IGSF5: variants seen among roughly 807,000 people sequenced by gnomAD.
IGSF5 encodes immunoglobulin superfamily 5 like.
Under a neutral mutation model 39.4 loss-of-function variants are expected in IGSF5, and 41 were observed. The observed-to-expected ratio is 1.04, with a 90% CI of 0.81 to 1.35. IGSF5 has a LOEUF of 1.35. IGSF5 is among the 40% of genes most tolerant of loss of function. The pLI is 0.00. For synonymous variants in IGSF5, 183 were observed against 175.3 expected (o/e 1.04, Z -0.34); for missense variants, 487 against 494.6 (o/e 0.98, Z 0.15).
intron 4 of IGSF5, among the ~76,000 whole-genome samples, chr21:39,774,928 C>T (rs1365460689): frequency 6.6e-6 from 1 of 152,200 alleles, no homozygotes; most frequent in African/African-American, 2.4e-5. Context: ...TCAGTTTTCT[C>T]ACCTGTAAAG....
In IGSF5 at chr21:39,801,768, A is replaced by C. The variant is rs1456836628; in HGVS notation, c.*411A>C. ...ATATTTAATATGTAGGGGTATTATT[A>C]CATATTATCAGTGAAATACGAGTAT... On this transcript the variant is annotated 3_prime_UTR_variant, in exon 9 of 9. Transcript: ENST00000380588. 1 of 154,784 alleles carries C rather than the reference A, an allele frequency of 6.5e-6. No individual in the cohort carries two copies. Among genetic ancestry groups the C allele is most frequent in the Non-Finnish European group, 1.4e-5 (1 of 69,522 alleles). The allele number at this position is 154,784 out of a possible 1,614,324, so 9.6% of individuals were successfully genotyped here. A position where few individuals can be genotyped will look rare whatever the true frequency, so the allele number is the denominator to read the frequency against.
the IGSF5 span, among the ~76,000 whole-genome samples, chr21:39,739,425 T>C: frequency 3.3e-5 from 5 of 152,274 alleles, no homozygotes; most frequent in Middle Eastern, 0.01. Flanking sequence ...GATTGGTTAT[T>C]TCTTTATCTC....
intron 5 of IGSF5, among the ~76,000 whole-genome samples, chr21:39,780,719 G>GGGATCAAT (rs1688013035): frequency 6.6e-6 from 1 of 152,164 alleles, no homozygotes; most frequent in South Asian, 2.1e-4. Context: ...GCTTGCGGTT[G>GGGATCAAT]GGATCAATGG....
At chr21:39,740,246 C>T (rs893783502), upstream of IGSF5, among the ~76,000 whole-genome samples, 3 of 152,198 alleles carry the variant, frequency 2.0e-5, no homozygotes, top group Non-Finnish European at 4.4e-5. Flanking sequence ...CCTTGCAGCT[C>T]TTTTGGCTTC....
At chr21:39,744,554 T>G (rs2146267155), upstream of IGSF5, among the ~76,000 whole-genome samples, 1 of 152,326 alleles carries the variant, frequency 6.6e-6, no homozygotes, top group East Asian at 1.9e-4. Context: ...GGAGGAACCA[T>G]CTATCATCCT....
At position 39,752,652 on chromosome 21, in the gene IGSF5, A is replaced by G. The variant is rs187260413; in HGVS notation, c.100+6354A>G. Among the ~76,000 whole-genome samples, 178 of 152,308 alleles carry G rather than the reference A, an allele frequency of 1.2e-3. 1 individual carries two copies. Among genetic ancestry groups the G allele is most frequent in the African/African-American group, 3.9e-3 (164 of 41,574 alleles). On this transcript the variant is annotated intron_variant, in intron 2 of 8. Transcript: ENST00000380588. The stretch of plus-strand genomic sequence containing the variant: ...CAGTGTAAAAGTATTCCCTTTCACC[A>G]CATCCACACCAACATTTATGGCTTT...
chr21:39,770,486 G>A (rs1297996877), intron 3 of IGSF5, among the ~76,000 whole-genome samples: 2 of 152,122 alleles, frequency 1.3e-5, no homozygotes, highest in Non-Finnish European at 2.9e-5. Flanking sequence ...CTGACCCTGG[G>A]CTGTGTCCTC....
chr21:39,761,535 G>C (rs986993956), intron 2 of IGSF5, among the ~76,000 whole-genome samples: 1 of 152,190 alleles, frequency 6.6e-6, no homozygotes, highest in African/African-American at 2.4e-5. Context: ...CTAATATCCA[G>C]AATCTGCAAG....
At chr21:39,782,622 A>G (rs1050301771) in intron 5 of IGSF5, among the ~76,000 whole-genome samples, 1 of 152,238 alleles carries the variant, frequency 6.6e-6, no homozygotes, top group East Asian at 1.9e-4. Flanking sequence ...CTTTTTAAAA[A>G]TGGCATACAG....
At chr21:39,758,072 T>C (rs2080041590) in intron 2 of IGSF5, among the ~76,000 whole-genome samples, 1 of 152,218 alleles carries the variant, frequency 6.6e-6, no homozygotes, top group African/African-American at 2.4e-5. Flanking sequence ...GAAGAACATA[T>C]GGAGGTGCAG....
intron 3 of IGSF5, among the ~76,000 whole-genome samples, chr21:39,767,338 C>G (rs959331988): frequency 5.3e-5 from 8 of 152,114 alleles, no homozygotes; most frequent in Non-Finnish European, 1.2e-4. Context: ...GGTTTGATGA[C>G]TCCAAAGTCC....
the IGSF5 span, chr21:39,729,479 A>T: frequency 6.6e-6 from 1 of 152,328 alleles, no homozygotes; most frequent in East Asian, 1.9e-4. Context: ...GCTGGTGCTC[A>T]CGGGGCACTC....
the IGSF5 span, among the ~76,000 whole-genome samples, chr21:39,727,415 A>T: frequency 4.6e-5 from 7 of 152,294 alleles, no homozygotes; most frequent in Non-Finnish European, 7.4e-5. Context: ...ACTGAAACAC[A>T]GCTGAGACTG....
the IGSF5 span, among the ~76,000 whole-genome samples, chr21:39,718,721 C>A: frequency 1.3e-5 from 2 of 152,142 alleles, no homozygotes; most frequent in African/African-American, 4.8e-5. Flanking sequence ...GGTGGATTAA[C>A]TTTTTGATGT....
the IGSF5 span, among the ~76,000 whole-genome samples, chr21:39,724,153 A>G: frequency 6.6e-6 from 1 of 152,166 alleles, no homozygotes; most frequent in East Asian, 1.9e-4. Flanking sequence ...TCTTCAAGTA[A>G]TACAATAAAA....
At chr21:39,752,840 G>A (rs551688946) in intron 2 of IGSF5, among the ~76,000 whole-genome samples, 1 of 152,026 alleles carries the variant, frequency 6.6e-6, no homozygotes, top group Non-Finnish European at 1.5e-5. Flanking sequence ...CTTTTTGATA[G>A]ACTTATTCTT....
chr21:39,713,010 C>A, the IGSF5 span, among the ~76,000 whole-genome samples: 5 of 152,164 alleles, frequency 3.3e-5, 1 homozygote, highest in Non-Finnish European at 1.5e-5. Flanking sequence ...TTCAGGGGCA[C>A]CCTGAATTAT....
At chr21:39,780,723 T>A (rs1013866389) in intron 5 of IGSF5, among the ~76,000 whole-genome samples, 3 of 152,170 alleles carry the variant, frequency 2.0e-5, no homozygotes, top group Admixed American at 1.3e-4. Context: ...GCGGTTGGGA[T>A]CAATGGTGAG....
At chr21:39,735,859 C>T in the IGSF5 span, among the ~76,000 whole-genome samples, 1 of 152,202 alleles carries the variant, frequency 6.6e-6, no homozygotes, top group Non-Finnish European at 1.5e-5. Context: ...CTTCCTACAG[C>T]TTAGAGTTGT....
Sources: gnomAD v4.1 joint callset for allele counts (sites outside exome capture counted in the v4.1 genomes callset) on GRCh38, gnomAD v4.1.1 for gene constraint, MANE v1.5 for transcripts, NCBI Gene and HGNC (gene_info 2026-07-23, HGNC 2026-07-21) for gene names.